COL22A1: variants seen among roughly 807,000 people sequenced by gnomAD.
COL22A1 encodes collagen alpha-1(XXII) chain.
In COL22A1, 221 loss-of-function variants were observed where a neutral mutation model predicts 248.9. That is an observed-to-expected ratio of 0.89 (90% CI 0.80 to 0.99). COL22A1 has a LOEUF of 0.99. COL22A1 is among the 50% of genes least tolerant of loss of function. The pLI is 0.00. For synonymous variants in COL22A1, 891 were observed against 793.4 expected (o/e 1.12, Z -2.07); for missense variants, 2,240 against 2,179.0 (o/e 1.03, Z -0.56).
At chr8:138,780,848 T>C in intron 13 of COL22A1, 79 bp downstream of exon 13, 1 of 1,245,324 alleles carries the variant, frequency 8.0e-7, no homozygotes, top group African/African-American at 1.5e-5. Flanking sequence ...GCCACCCCAC[T>C]TAAGGACACG....
intron 27 of COL22A1, among the ~76,000 whole-genome samples, chr8:138,720,260 C>A (rs980124593): frequency 6.6e-6 from 1 of 152,136 alleles, no homozygotes; most frequent in Admixed American, 6.5e-5. Context: ...GCTTTCCTTG[C>A]CTTCTGGCTT....
intron 16 of COL22A1, among the ~76,000 whole-genome samples, chr8:138,764,044 A>G (rs1292162329): frequency 6.6e-6 from 1 of 152,150 alleles, no homozygotes; most frequent in Admixed American, 6.5e-5. Context: ...ATTTCTTTAT[A>G]ACCTCATTTC....
intron 10 of COL22A1, among the ~76,000 whole-genome samples, chr8:138,805,492 G>GGT (rs369661772): frequency 2.3e-5 from 2 of 88,244 alleles, no homozygotes; most frequent in African/African-American, 1.2e-4. Context: ...GGCATGTGAT[G>GGT]GTGTGTGTGT....
chr8:138,717,856 T>A (rs982631259), intron 27 of COL22A1, among the ~76,000 whole-genome samples: 2 of 152,232 alleles, frequency 1.3e-5, no homozygotes, highest in African/African-American at 4.8e-5. Context: ...ATGGTGGTGG[T>A]GAGCGCGGAC....
At chr8:138,645,826 T>C (rs937710674) in intron 47 of COL22A1, among the ~76,000 whole-genome samples, 2 of 152,148 alleles carry the variant, frequency 1.3e-5, no homozygotes, top group African/African-American at 4.8e-5. Context: ...GGAAGAGACA[T>C]AGGGACACAT....
At chr8:138,744,049 C>G (rs1010403683) in intron 22 of COL22A1, among the ~76,000 whole-genome samples, 1 of 152,136 alleles carries the variant, frequency 6.6e-6, no homozygotes, top group African/African-American at 2.4e-5. Flanking sequence ...AGAGCTGAAA[C>G]CAGGTGCGCA....
chr8:138,791,649 G>A (rs1273089281), intron 12 of COL22A1, among the ~76,000 whole-genome samples: 1 of 152,122 alleles, frequency 6.6e-6, no homozygotes, highest in East Asian at 1.9e-4. Flanking sequence ...TGGATTTCCT[G>A]CACACTTGGC....
chr8:138,772,396 G>C (rs575885215), intron 16 of COL22A1, among the ~76,000 whole-genome samples: 1 of 152,256 alleles, frequency 6.6e-6, no homozygotes, highest in African/African-American at 2.4e-5. Context: ...TCACGGTGAA[G>C]AGGACAGGGG....
At chr8:138,678,389 CA>C (rs1300603837) in intron 40 of COL22A1, among the ~76,000 whole-genome samples, 1 of 152,248 alleles carries the variant, frequency 6.6e-6, no homozygotes, top group East Asian at 1.9e-4. Context: ...CCCTAGGAGT[CA>C]GCAACATCCC....
At chr8:138,802,809 G>A in intron 11 of COL22A1, 63 bp downstream of exon 11, 1 of 1,283,884 alleles carries the variant, frequency 7.8e-7, no homozygotes, top group East Asian at 2.3e-5. Flanking sequence ...ATGATCGGAG[G>A]GCCCTGGGTC....
At chr8:138,712,474 G>A (rs1020521006) in intron 30 of COL22A1, among the ~76,000 whole-genome samples, 1 of 152,154 alleles carries the variant, frequency 6.6e-6, no homozygotes, top group African/African-American at 2.4e-5. Flanking sequence ...AGCCAGTAGA[G>A]GGTAATGGTT....
chr8:138,887,578 T>C (rs1824759975), intron 1 of COL22A1, among the ~76,000 whole-genome samples: 1 of 152,208 alleles, frequency 6.6e-6, no homozygotes. Flanking sequence ...CTTAAAAATG[T>C]CACCATTATT....
chr8:138,704,491 G>A (rs1391824394), intron 30 of COL22A1, among the ~76,000 whole-genome samples: 2 of 152,190 alleles, frequency 1.3e-5, no homozygotes, highest in Non-Finnish European at 2.9e-5. Context: ...TGCAGCCTCC[G>A]CTGCTGATAC....
intron 12 of COL22A1, among the ~76,000 whole-genome samples, chr8:138,785,769 T>C (rs1048363782): frequency 1.3e-5 from 2 of 152,196 alleles, no homozygotes; most frequent in African/African-American, 4.8e-5. Flanking sequence ...TGAATTTCTC[T>C]CGTCCACAAG....
intron 22 of COL22A1, among the ~76,000 whole-genome samples, chr8:138,740,165 G>A (rs572121853): frequency 4.6e-5 from 7 of 152,308 alleles, no homozygotes; most frequent in Middle Eastern, 3.4e-3. Context: ...GAGAGTCACC[G>A]GTTATTTACA....
intron 52 of COL22A1, among the ~76,000 whole-genome samples, chr8:138,621,383 G>T (rs1407960977): frequency 6.6e-6 from 1 of 152,178 alleles, no homozygotes; most frequent in Non-Finnish European, 1.5e-5. Context: ...GTTACCAGTT[G>T]CCAGCCTGCC....
At chr8:138,755,306 CT>C in intron 20 of COL22A1, 96 bp from the exon 21 acceptor site, 1 of 1,401,770 alleles carries the variant, frequency 7.1e-7, no homozygotes. Context: ...TCAAAGTTTA[CT>C]TTCCAAGTTC....
At chr8:138,701,397 A>G (rs1286415491) in intron 31 of COL22A1, among the ~76,000 whole-genome samples, 2 of 152,210 alleles carry the variant, frequency 1.3e-5, no homozygotes, top group African/African-American at 4.8e-5. Flanking sequence ...AACATCATAG[A>G]TAATGGTCCT....
intron 16 of COL22A1, among the ~76,000 whole-genome samples, chr8:138,772,516 C>T (rs1262528196): frequency 6.6e-6 from 1 of 152,126 alleles, no homozygotes; most frequent in Admixed American, 6.5e-5. Flanking sequence ...GATTTTTATA[C>T]CAATCTTCGT....
Sources: allele counts gnomAD v4.1 joint callset (sites outside exome capture counted in the v4.1 genomes callset), GRCh38; gene constraint gnomAD v4.1.1; transcripts MANE v1.5; gene names NCBI Gene and HGNC (gene_info 2026-07-23, HGNC 2026-07-21).